RNF169: variants seen among roughly 807,000 people sequenced by gnomAD.
RNF169 encodes the protein E3 ubiquitin-protein ligase RNF169.
In RNF169, 24 loss-of-function variants were observed where a neutral mutation model predicts 53.9. The observed-to-expected ratio is 0.45, with a 90% CI of 0.32 to 0.63. The LOEUF (loss-of-function observed/expected upper bound fraction) is 0.63, where lower values mean the gene tolerates loss of function less well. Among genes scored for constraint, RNF169 ranks in the 20% least tolerant of loss-of-function variants. The pLI is 0.04. For missense variants in RNF169, 883 were observed against 906.2 expected, an observed-to-expected ratio of 0.97 and a Z score of 0.33; for synonymous variants, 396 against 363.5, an observed-to-expected ratio of 1.09 and a Z score of -1.02.
At chr11:74,830,759 A>G (rs1290964977) in intron 4 of RNF169, 1 of 152,176 alleles carries the variant, frequency 6.6e-6, no homozygotes, top group Non-Finnish European at 1.5e-5. Context: ...ATATAGATAA[A>G]AATTCTTCAG....
chr11:74,790,757 T>C (rs1266495413), intron 2 of RNF169, among the ~76,000 whole-genome samples: 2 of 152,216 alleles, frequency 1.3e-5, no homozygotes, highest in Admixed American at 6.5e-5. Context: ...CCAGGACTAC[T>C]GCAAGTGGCT....
rs904006190 is a variant in RNF169 at position 74,802,639 on chromosome 11, T to C, written c.577-7545T>C. Among the ~76,000 whole-genome samples the C allele has an allele frequency of 5.9e-5, 9 of 152,288 alleles. No individual in the cohort carries two copies. In the South Asian group the frequency reaches 8.3e-4, roughly 14 times the overall value. On this transcript the variant is annotated intron_variant, in intron 2 of 5. Coordinates refer to ENST00000299563, the MANE Select transcript of RNF169 (RefSeq NM_001098638.2). ...GCCTGGGCAACAGAGTGAGATTCTG[T>C]CTCAAAAGAAAATCAGTCCAATCTT...
intron 1 of RNF169, among the ~76,000 whole-genome samples, chr11:74,780,458 T>A (rs1432446934): frequency 6.6e-6 from 1 of 152,224 alleles, no homozygotes; most frequent in Non-Finnish European, 1.5e-5. Context: ...TTTTCCTCAC[T>A]AGTACTTGTT....
At chr11:74,813,292 T>C (rs564692230) in intron 3 of RNF169, among the ~76,000 whole-genome samples, 1 of 152,354 alleles carries the variant, frequency 6.6e-6, no homozygotes, top group Non-Finnish European at 1.5e-5. Flanking sequence ...ATTGGAAGTG[T>C]CTGATACATG....
At chr11:74,824,645 A>G (rs2036066194) in intron 4 of RNF169, among the ~76,000 whole-genome samples, 1 of 152,244 alleles carries the variant, frequency 6.6e-6, no homozygotes, top group Admixed American at 6.5e-5. Flanking sequence ...ATCATGAAAA[A>G]GTTTGAAATA....
Position 74,841,276 on chromosome 11 carries a change from A to C in RNF169, c.*4546A>C, listed in dbSNP as rs2036498710. 6.6e-6 allele frequency: 1 copy of C among 152,208 alleles called. No homozygotes were observed. The highest frequency in any genetic ancestry group is 2.1e-4 in the South Asian group (1 of 4,832). The allele number at this position is 152,208 out of a possible 1,614,324, so 9.4% of individuals were successfully genotyped here. A position where few individuals can be genotyped will look rare whatever the true frequency, so the allele number is the denominator to read the frequency against. On this transcript the variant is annotated 3_prime_UTR_variant, in exon 6 of 6. Coordinates refer to ENST00000299563, the MANE Select transcript of RNF169 (RefSeq NM_001098638.2). Reference sequence around the variant, plus strand: ...TAAACATACCTGGTTATGAATTCTCAAAAGAGAAAGCAGGTCTGGGGCGGG... The same window carrying C: ...TAAACATACCTGGTTATGAATTCTCCAAAGAGAAAGCAGGTCTGGGGCGGG...
At chr11:74,800,739 AAC>A (rs2035717239) in intron 2 of RNF169, among the ~76,000 whole-genome samples, 1 of 152,220 alleles carries the variant, frequency 6.6e-6, no homozygotes, top group Non-Finnish European at 1.5e-5. Flanking sequence ...ACTGATATGA[AAC>A]ACAAATTAAT....
At chr11:74,821,977 GGTC>G (rs2036017791) in intron 4 of RNF169, among the ~76,000 whole-genome samples, 1 of 152,050 alleles carries the variant, frequency 6.6e-6, no homozygotes, top group Non-Finnish European at 1.5e-5. Context: ...GCTGCACCAA[GGTC>G]TAAAGAAGCT....
At chr11:74,806,731 A>G (rs962096456) in intron 2 of RNF169, among the ~76,000 whole-genome samples, 8 of 151,852 alleles carry the variant, frequency 5.3e-5, no homozygotes, top group East Asian at 1.9e-4. Flanking sequence ...AAATTCAGAA[A>G]TAGGTAAAAT....
chr11:74,777,768 A>G (rs1355529592), intron 1 of RNF169, among the ~76,000 whole-genome samples: 1 of 151,904 alleles, frequency 6.6e-6, no homozygotes. Flanking sequence ...AGCTGGGACT[A>G]CAAATATGCA....
chr11:74,796,782 G>T (rs2035655147), intron 2 of RNF169, among the ~76,000 whole-genome samples: 2 of 152,226 alleles, frequency 1.3e-5, no homozygotes, highest in Admixed American at 1.3e-4. Flanking sequence ...TGGAGCATAT[G>T]AGTGGCTTAG....
chr11:74,838,544 G>A lies in RNF169; in HGVS notation c.*1814G>A, dbSNP rs2036291586. 6.6e-6 allele frequency: 1 copy of A among 152,246 alleles called. No individual in the cohort carries two copies. The highest frequency in any genetic ancestry group is 1.5e-5 in the Non-Finnish European group (1 of 68,046). 9.4% of individuals were successfully genotyped at this position (152,246 alleles called of 1,614,324 possible). A position where few individuals can be genotyped will look rare whatever the true frequency, so the allele number is the denominator to read the frequency against. ...TCTTAAACATTGTGGTCATCATTGA[G>A]ATAGGTGGAATCTCTTTGGTGACTA... On this transcript the variant is annotated 3_prime_UTR_variant, in exon 6 of 6. Transcript: ENST00000299563.
intron 2 of RNF169, among the ~76,000 whole-genome samples, chr11:74,800,725 AGTTACTGATAT>A (rs2035716971): frequency 6.6e-6 from 1 of 152,220 alleles, no homozygotes; most frequent in Non-Finnish European, 1.5e-5. Flanking sequence ...GAGGCTGGCA[AGTTACTGATAT>A]GAAACACAAA....
chr11:74,816,759 A>C (rs2035946038), intron 3 of RNF169, among the ~76,000 whole-genome samples: 1 of 152,186 alleles, frequency 6.6e-6, no homozygotes, highest in African/African-American at 2.4e-5. Context: ...GTTTGGTTGT[A>C]CTAGAGCTCA....
intron 2 of RNF169, chr11:74,807,891 C>T (rs2035826839): frequency 6.6e-6 from 1 of 152,140 alleles, no homozygotes; most frequent in Non-Finnish European, 1.5e-5. Context: ...AAAACTTGTA[C>T]AGAACTCCAT....
Position 74,749,306 on chromosome 11 carries a change from C to T in RNF169, c.426C>T (p.Arg142=), listed in dbSNP as rs1380424316. Residue 142 remains arginine, a synonymous_variant, in exon 1 of 6, where the codon CGC becomes CGT. Transcript: ENST00000299563. ...CARRSQPERC[R]PRRDGGAAAA... ...GCCGCAGCCAACCCGAGCGCTGCCGCCCGCGCCGGGACGGGGGCGCGGCTG... is the reference window on the plus strand; with the variant it reads ...GCCGCAGCCAACCCGAGCGCTGCCGTCCGCGCCGGGACGGGGGCGCGGCTG... 1 of 1,182,118 alleles carries T rather than the reference C, an allele frequency of 8.5e-7. No homozygotes were observed. The highest frequency in any genetic ancestry group is 1.0e-6 in the Non-Finnish European group (1 of 957,266). 73.2% of individuals were successfully genotyped at this position (1,182,118 alleles called of 1,614,324 possible).
chr11:74,834,040 C>G (rs1392876332), intron 4 of RNF169, among the ~76,000 whole-genome samples: 1 of 152,192 alleles, frequency 6.6e-6, no homozygotes, highest in East Asian at 1.9e-4. Flanking sequence ...ATGGTACTTA[C>G]TATGCTATAG....
At chr11:74,784,200 G>C (rs2035455768) in intron 1 of RNF169, among the ~76,000 whole-genome samples, 1 of 152,150 alleles carries the variant, frequency 6.6e-6, no homozygotes, top group African/African-American at 2.4e-5. Flanking sequence ...TATTGAGTAG[G>C]AAATAAAAGT....
chr11:74,768,089 G>A (rs996903886), intron 1 of RNF169, among the ~76,000 whole-genome samples: 1 of 152,170 alleles, frequency 6.6e-6, no homozygotes, highest in African/African-American at 2.4e-5. Flanking sequence ...CAAATATCAA[G>A]CTGTTTAAAG....
Sources: allele counts gnomAD v4.1 joint callset (sites outside exome capture counted in the v4.1 genomes callset), GRCh38; gene constraint gnomAD v4.1.1; transcripts MANE v1.5; gene names NCBI Gene and HGNC (gene_info 2026-07-23, HGNC 2026-07-21).